The following PEX1 variants were observed in gnomAD, a reference collection of about 807,000 sequenced individuals.
The protein encoded by PEX1 is peroxisomal biogenesis factor 1.
Under a neutral mutation model 152.5 loss-of-function variants are expected in PEX1, and 97 were observed. The ratio of observed to expected loss-of-function variants is 0.64; its 90% CI spans 0.54 to 0.75. PEX1 has a LOEUF of 0.75. PEX1 is among the 30% of genes least tolerant of loss of function. The pLI is 0.00. For missense variants in PEX1, 1,357 were observed against 1,516.3 expected (o/e 0.89, Z 1.74); for synonymous variants, 485 against 531.6 (o/e 0.91, Z 1.21).
At chr7:92,505,341 A>T (rs919839690) in intron 11 of PEX1, among the ~76,000 whole-genome samples, 2 of 148,544 alleles carry the variant, frequency 1.3e-5, no homozygotes, top group Admixed American at 6.9e-5. Flanking sequence ...TGAACCTGGG[A>T]GGTGGAGGCT....
In PEX1 at chr7:92,518,184, A is replaced by T; in HGVS notation, c.429T>A (p.Phe143Leu). The change falls in exon 4 of 24, where the codon TTT becomes TTA. Residue 143 changes from phenylalanine (F) to leucine (L), a missense_variant. Transcript: ENST00000248633. ...QIRIVFPKAI[F>L]PVWVDQQTYI... ...ACGTTTGTTGATCAACCCAAACAGG[A>T]AAAATGGCTTTTGGAAAAACTATTC... 1 of 1,613,260 alleles carries T rather than the reference A, an allele frequency of 6.2e-7. No homozygotes were observed. Among genetic ancestry groups the T allele is most frequent in the South Asian group, 1.1e-5 (1 of 91,046 alleles).
intron 6 of PEX1, 39 bp from the exon 7 acceptor site, chr7:92,511,742 C>G (rs757613275): frequency 1.9e-6 from 3 of 1,585,416 alleles, no homozygotes; most frequent in Non-Finnish European, 1.7e-6. Context: ...ATCCTCATAT[C>G]TGAACTTAAC....
chr7:92,506,194 T>C (rs1792178752), intron 11 of PEX1, 54 bp downstream of exon 11: 2 of 929,946 alleles, frequency 2.2e-6, no homozygotes, highest in Non-Finnish European at 1.8e-6. Context: ...ATGTATAACA[T>C]TCCTGTCTTT....
chr7:92,488,613 T>C (rs1314656359), intron 23 of PEX1, among the ~76,000 whole-genome samples: 4 of 152,226 alleles, frequency 2.6e-5, no homozygotes, highest in Admixed American at 2.6e-4. Context: ...CAATAAAATA[T>C]TAATATAAAT....
At chr7:92,514,283 T>C (rs1792619175) in intron 5 of PEX1, among the ~76,000 whole-genome samples, 1 of 152,160 alleles carries the variant, frequency 6.6e-6, no homozygotes, top group South Asian at 2.1e-4. Context: ...CCTTGGGAGT[T>C]GGGATTTCGA....
At chr7:92,522,345 G>A (rs1793088192) in intron 1 of PEX1, 100 bp from the exon 2 acceptor site, 2 of 1,157,388 alleles carry the variant, frequency 1.7e-6, no homozygotes, top group Non-Finnish European at 2.5e-6. Flanking sequence ...TCCAAAAAGA[G>A]TTCTATAGAT....
At chr7:92,489,189 T>C (rs916565234) in intron 23 of PEX1, 104 bp downstream of exon 23, 3 of 1,051,202 alleles carry the variant, frequency 2.9e-6, no homozygotes, top group Non-Finnish European at 4.3e-6. Flanking sequence ...AGCTTTTAAA[T>C]ATTCAAAATA....
chr7:92,488,504 GT>G (rs1330932678), intron 23 of PEX1, among the ~76,000 whole-genome samples: 1 of 152,046 alleles, frequency 6.6e-6, no homozygotes, highest in East Asian at 1.9e-4. Flanking sequence ...AGATGCATAG[GT>G]GGCCATAAAC....
chr7:92,502,031 A>G lies in PEX1; in HGVS notation c.2275T>C (p.Cys759Arg), dbSNP rs1791954832. The G allele has an allele frequency of 6.2e-7, 1 of 1,612,998 alleles. No homozygotes were observed. Residue 759 changes from cysteine to arginine, a missense_variant, in exon 14 of 24, where the codon TGT (cysteine) becomes CGT (arginine). Transcript: ENST00000248633. ...AGATCGGTGAACTTGTTTATATCAC[A>G]GTCCAATTTATTTTTTATTACATTA... is the stretch of plus-strand genomic sequence containing the variant. The part of the protein sequence containing the change: ...LCNVIKNKLD[C>R]DINKFTDLDL...
At chr7:92,508,805 A>G (rs1451117153) in intron 9 of PEX1, among the ~76,000 whole-genome samples, 1 of 152,138 alleles carries the variant, frequency 6.6e-6, no homozygotes, top group Non-Finnish European at 1.5e-5. Flanking sequence ...TAATCAAAAG[A>G]GGAATTTTTT....
chr7:92,497,288 T>C (rs1791699281), intron 16 of PEX1, among the ~76,000 whole-genome samples: 1 of 152,206 alleles, frequency 6.6e-6, no homozygotes, highest in Non-Finnish European at 1.5e-5. Context: ...TAATAGTTTT[T>C]CCAAGTGAAT....
At position 92,509,363 on chromosome 7, in the gene PEX1, A is replaced by C; in HGVS notation, c.1636T>G (p.Phe546Val). 6.2e-7 allele frequency: 1 copy of C among 1,613,142 alleles called. No homozygotes were observed. The highest frequency in any genetic ancestry group is 8.5e-7 in the Non-Finnish European group (1 of 1,179,390). The change falls in exon 9 of 24, where the codon TTT (phenylalanine) becomes GTT (valine). Residue 546 changes from phenylalanine (F) to valine (V), a missense_variant. Physicochemically the swap from Phe to Val is conservative, Grantham distance 50 (BLOSUM62 -1). Transcript: ENST00000248633. The part of the protein sequence containing the change: ...VKEENSEEID[F>V]ILPFLKLSSL... ...CTCAGCTTTAAAAAAGGAAGAATAAAGTCAATTTCCTCACTGTTTTCTTCT... is the reference window on the plus strand; with the variant it reads ...CTCAGCTTTAAAAAAGGAAGAATAACGTCAATTTCCTCACTGTTTTCTTCT...
At chr7:92,516,055 A>AGAGAAAAAAGAAAAGAAAAG (rs1321793051) in intron 5 of PEX1, among the ~76,000 whole-genome samples, 22 of 85,788 alleles carry the variant, frequency 2.6e-4, no homozygotes, top group Non-Finnish European at 4.0e-4. Flanking sequence ...AGAGAAGAGA[A>AGAGAAAAAAGAAAAGAAAAG]AAAAGAAAAG....
rs1417437414 is a variant in PEX1 at position 92,528,295 on chromosome 7, C to T, written c.129+12G>A. On this transcript the variant is annotated intron_variant, in intron 1 of 23. Coordinates refer to ENST00000248633, the MANE Select transcript of PEX1 (RefSeq NM_000466.3). ...AGGCTGAAGATCAGGTGGCTCGGGG[C>T]CGGCAGGTTACCTGCAGCAGATGCA... The T allele has an allele frequency of 1.9e-6, 3 of 1,552,254 alleles. No individual in the cohort carries two copies. The highest frequency in any genetic ancestry group is 2.6e-6 in the Non-Finnish European group (3 of 1,149,664).
At chr7:92,512,891 A>G (rs757229007) in intron 6 of PEX1, among the ~76,000 whole-genome samples, 6 of 152,022 alleles carry the variant, frequency 3.9e-5, no homozygotes, top group Non-Finnish European at 8.8e-5. Context: ...TCAGCTTCCC[A>G]AAGTGCTAGG....
intron 10 of PEX1, 33 bp from the exon 11 acceptor site, chr7:92,506,377 T>A: frequency 1.6e-6 from 2 of 1,282,418 alleles, no homozygotes; most frequent in South Asian, 1.2e-5. Context: ...GAATTCCCAA[T>A]ATATTCAGTC....
chr7:92,525,404 C>T (rs530264947), intron 1 of PEX1, among the ~76,000 whole-genome samples: 2 of 152,174 alleles, frequency 1.3e-5, no homozygotes, highest in Non-Finnish European at 2.9e-5. Context: ...TGGCCATATC[C>T]GAATGGTGAT....
rs1790960734 is a variant in PEX1 at position 92,487,097 on chromosome 7, A to G, written c.*360T>C. The G allele has an allele frequency of 6.2e-6, 1 of 160,262 alleles. No individual in the cohort carries two copies. Among genetic ancestry groups the G allele is most frequent in the Non-Finnish European group, 1.4e-5 (1 of 73,344 alleles). 9.9% of individuals were successfully genotyped at this position (160,262 alleles called of 1,614,324 possible). A position where few individuals can be genotyped will look rare whatever the true frequency, so the allele number is the denominator to read the frequency against. On this transcript the variant is annotated 3_prime_UTR_variant, in exon 24 of 24. Coordinates refer to ENST00000248633, the MANE Select transcript of PEX1 (RefSeq NM_000466.3). ...AAGCATAAAATTTGTCAAATGCTAC[A>G]AAGGTGATGAATATACAACTGGGAA...
At chr7:92,522,030 A>T in intron 2 of PEX1, 72 bp downstream of exon 2, 2 of 1,515,700 alleles carry the variant, frequency 1.3e-6, no homozygotes, top group Admixed American at 3.4e-5. Context: ...AAAAAATCTA[A>T]ACTTTTAATT....
Sources: allele counts gnomAD v4.1 joint callset (sites outside exome capture counted in the v4.1 genomes callset), GRCh38; gene constraint gnomAD v4.1.1; transcripts MANE v1.5; gene names NCBI Gene and HGNC (gene_info 2026-07-23, HGNC 2026-07-21).